PLCB1: variants seen among roughly 807,000 people sequenced by gnomAD.
The protein encoded by PLCB1 is 1-phosphatidylinositol 4,5-bisphosphate phosphodiesterase beta-1.
A neutral mutation model predicts 161.8 loss-of-function variants in PLCB1; 46 were observed. That is an observed-to-expected ratio of 0.28 (90% CI 0.22 to 0.36). The LOEUF (loss-of-function observed/expected upper bound fraction) is 0.36. Ranked by LOEUF, PLCB1 falls within the 10% of genes least tolerant of loss-of-function variation. The pLI, the probability that PLCB1 is intolerant of heterozygous loss-of-function variation, is 1.00. For synonymous variants in PLCB1, 517 were observed against 503.7 expected (o/e 1.03, Z -0.35); for missense variants, 1,016 against 1,472.5 (o/e 0.69, Z 5.07).
chr20:8,826,859 A>G (rs1225623380), intron 31 of PLCB1, among the ~76,000 whole-genome samples: 4 of 152,198 alleles, frequency 2.6e-5, no homozygotes, highest in African/African-American at 9.6e-5. Context: ...AATAATAGTG[A>G]TTTTATGCGT....
chr20:8,627,209 G>C (rs1452141287), intron 3 of PLCB1, among the ~76,000 whole-genome samples: 3 of 152,184 alleles, frequency 2.0e-5, no homozygotes, highest in Non-Finnish European at 4.4e-5. Context: ...TAACTAAAGA[G>C]AGAATTAATG....
intron 2 of PLCB1, among the ~76,000 whole-genome samples, chr20:8,334,679 CAA>C (rs1985504297): frequency 6.6e-6 from 1 of 152,202 alleles, no homozygotes; most frequent in African/African-American, 2.4e-5. Context: ...CACTTCTTGA[CAA>C]AGAATTGGTG....
At chr20:8,310,794 C>T (rs1225161528) in intron 2 of PLCB1, among the ~76,000 whole-genome samples, 2 of 152,146 alleles carry the variant, frequency 1.3e-5, no homozygotes, top group Non-Finnish European at 2.9e-5. Flanking sequence ...AAGATTAACT[C>T]CCACTTATAA....
intron 9 of PLCB1, among the ~76,000 whole-genome samples, chr20:8,675,870 A>G (rs759205391): frequency 6.6e-6 from 1 of 152,234 alleles, no homozygotes; most frequent in Non-Finnish European, 1.5e-5. Context: ...AATCCAAGTT[A>G]TTTTATAAAA....
chr20:8,570,719 A>G (rs1986480512), intron 3 of PLCB1, among the ~76,000 whole-genome samples: 1 of 152,176 alleles, frequency 6.6e-6, no homozygotes, highest in South Asian at 2.1e-4. Context: ...CCAGTGAAGG[A>G]AGACAGGCAA....
intron 31 of PLCB1, among the ~76,000 whole-genome samples, chr20:8,838,489 C>T (rs11698656): frequency 0.32 from 48,711 of 152,032 alleles, 8,793 homozygotes; most frequent in East Asian, 0.63. Flanking sequence ...AAACTTATCC[C>T]GTGGTTATTT....
At chr20:8,245,706 A>T (rs550796746) in intron 2 of PLCB1, among the ~76,000 whole-genome samples, 35 of 152,030 alleles carry the variant, frequency 2.3e-4, no homozygotes, top group African/African-American at 7.5e-4. Flanking sequence ...AATCAAAAAG[A>T]CTATATGTAA....
intron 2 of PLCB1, among the ~76,000 whole-genome samples, chr20:8,344,869 A>G (rs1985943306): frequency 6.6e-6 from 1 of 152,250 alleles, no homozygotes; most frequent in East Asian, 1.9e-4. Context: ...CGTTCAGGAC[A>G]GTTAAAAGAA....
At chr20:8,573,611 G>C (rs754829900) in intron 3 of PLCB1, among the ~76,000 whole-genome samples, 1 of 152,184 alleles carries the variant, frequency 6.6e-6, no homozygotes, top group Non-Finnish European at 1.5e-5. Flanking sequence ...AATTCAAAGT[G>C]TGAGACTCTG....
rs553061797 is a variant in PLCB1, at chr20:8,279,746, A to G, written c.178-91636A>G. On this transcript the variant is annotated intron_variant, in intron 2 of 31. Coordinates refer to ENST00000338037, the MANE Select transcript of PLCB1 (RefSeq NM_015192.4). Reference sequence around the variant, plus strand: ...AATATAATGTTGAGTGAAGAAAGTCATATACAAAATAATACATAAAATTAA... The same window carrying G: ...AATATAATGTTGAGTGAAGAAAGTCGTATACAAAATAATACATAAAATTAA... Among the ~76,000 whole-genome samples, 3 of 152,368 alleles carry G rather than the reference A, an allele frequency of 2.0e-5. No individual in the cohort carries two copies. In the South Asian group the frequency reaches 6.2e-4, roughly 32 times the overall value.
intron 14 of PLCB1, among the ~76,000 whole-genome samples, chr20:8,720,857 TTA>T (rs563397083): frequency 0.026 from 3,702 of 142,070 alleles, 147 homozygotes; most frequent in African/African-American, 0.087. Context: ...TTTTTTTTTT[TTA>T]AAAAAAAAAG....
At chr20:8,416,788 A>C (rs1979292408) in intron 3 of PLCB1, among the ~76,000 whole-genome samples, 1 of 152,076 alleles carries the variant, frequency 6.6e-6, no homozygotes, top group South Asian at 2.1e-4. Context: ...GCTGAGCATC[A>C]TCCTGGTAGC....
At chr20:8,480,209 T>G (rs1982441254) in intron 3 of PLCB1, among the ~76,000 whole-genome samples, 1 of 152,108 alleles carries the variant, frequency 6.6e-6, no homozygotes, top group Non-Finnish European at 1.5e-5. Flanking sequence ...GGTGCCTGAG[T>G]GGGTGGCGAG....
chr20:8,625,309 G>A (rs571500194), intron 3 of PLCB1: 1 of 152,264 alleles, frequency 6.6e-6, no homozygotes, highest in East Asian at 1.9e-4. Flanking sequence ...AGGACAACTT[G>A]AAGGTACAAG....
At chr20:8,475,335 C>G (rs932857517) in intron 3 of PLCB1, among the ~76,000 whole-genome samples, 2 of 152,040 alleles carry the variant, frequency 1.3e-5, no homozygotes, top group Admixed American at 6.6e-5. Context: ...CCTGTAATCC[C>G]AGCTACTCAG....
intron 3 of PLCB1, among the ~76,000 whole-genome samples, chr20:8,528,230 A>G (rs946868927): frequency 1.3e-5 from 2 of 152,120 alleles, no homozygotes; most frequent in Admixed American, 1.3e-4. Flanking sequence ...ATGAATCCAC[A>G]CAATGACTTT....
intron 2 of PLCB1, among the ~76,000 whole-genome samples, chr20:8,161,618 G>C (rs1433381001): frequency 6.6e-6 from 1 of 152,142 alleles, no homozygotes; most frequent in Admixed American, 6.6e-5. Context: ...AACCTCAGTA[G>C]GCCTAGTACA....
intron 31 of PLCB1, among the ~76,000 whole-genome samples, chr20:8,866,784 C>G (rs1417492123): frequency 2.6e-5 from 4 of 152,114 alleles, no homozygotes; most frequent in Non-Finnish European, 5.9e-5. Flanking sequence ...AATTCAAGCA[C>G]AACAAGCAGG....
intron 3 of PLCB1, among the ~76,000 whole-genome samples, chr20:8,468,203 G>A (rs147352552): frequency 1.3e-5 from 2 of 152,198 alleles, no homozygotes; most frequent in African/African-American, 2.4e-5. Context: ...CCTTATAGAG[G>A]CTCTATATGT....
Sources: gnomAD v4.1 joint callset for allele counts (sites outside exome capture counted in the v4.1 genomes callset) on GRCh38, gnomAD v4.1.1 for gene constraint, MANE v1.5 for transcripts, NCBI Gene and HGNC (gene_info 2026-07-23, HGNC 2026-07-21) for gene names.